The following KLF12 variants were observed in gnomAD, a reference collection of about 807,000 sequenced individuals.
KLF12 encodes Krueppel-like factor 12.
In KLF12, 9 loss-of-function variants were observed where a neutral mutation model predicts 37.8. That is an observed-to-expected ratio of 0.24 (90% confidence interval 0.14 to 0.42). The LOEUF (loss-of-function observed/expected upper bound fraction) is 0.42, where lower values mean the gene tolerates loss of function less well. Ranked by LOEUF, KLF12 falls within the 10% of genes least tolerant of loss-of-function variation. KLF12 has a pLI of 1.00. For missense variants in KLF12, 411 were observed against 516.0 expected (o/e 0.80, Z 1.97); for synonymous variants, 208 against 202.1 (o/e 1.03, Z -0.25).
intron 2 of KLF12, among the ~76,000 whole-genome samples, chr13:73,977,141 C>A (rs1891550392): frequency 6.6e-6 from 1 of 151,422 alleles, no homozygotes; most frequent in East Asian, 1.9e-4. Flanking sequence ...ATCTCCGCTT[C>A]CCAGGCTGAA....
chr13:74,015,028 T>C (rs879170424), intron 1 of KLF12, among the ~76,000 whole-genome samples: 2 of 152,198 alleles, frequency 1.3e-5, no homozygotes, highest in Admixed American at 1.3e-4. Context: ...TTCATGATCA[T>C]AGCTGGATAG....
At chr13:74,300,696 GATTA>G in the KLF12 span, among the ~76,000 whole-genome samples, 1 of 152,096 alleles carries the variant, frequency 6.6e-6, no homozygotes, top group African/African-American at 2.4e-5. Flanking sequence ...TGCAGTTTGA[GATTA>G]ATTTTCTGTT....
At chr13:73,899,963 C>T (rs1001380683) in intron 3 of KLF12, among the ~76,000 whole-genome samples, 3 of 152,104 alleles carry the variant, frequency 2.0e-5, no homozygotes, top group Non-Finnish European at 2.9e-5. Flanking sequence ...TGTATCCTAT[C>T]GGTTTTGATT....
At chr13:73,802,847 G>A (rs1882351889) in intron 5 of KLF12, among the ~76,000 whole-genome samples, 1 of 152,112 alleles carries the variant, frequency 6.6e-6, no homozygotes, top group South Asian at 2.1e-4. Flanking sequence ...ATACAGGTAT[G>A]TACCAGGATA....
At chr13:74,224,478 C>T in the KLF12 span, among the ~76,000 whole-genome samples, 153 of 152,186 alleles carry the variant, frequency 1.0e-3, no homozygotes, top group African/African-American at 3.2e-3. Flanking sequence ...TTATACTCTA[C>T]GATGTGATTA....
intron 3 of KLF12, among the ~76,000 whole-genome samples, chr13:73,848,325 C>T (rs969623942): frequency 4.6e-5 from 7 of 151,900 alleles, no homozygotes; most frequent in African/African-American, 1.5e-4. Flanking sequence ...CTGATAAATG[C>T]GGACCTTATC....
chr13:74,202,037 A>G, the KLF12 span, among the ~76,000 whole-genome samples: 1 of 152,066 alleles, frequency 6.6e-6, no homozygotes. Flanking sequence ...AGTGAGTTTT[A>G]TTTCCCATTT....
intron 5 of KLF12, among the ~76,000 whole-genome samples, chr13:73,804,106 C>G (rs775429899): frequency 5.3e-5 from 8 of 152,202 alleles, no homozygotes; most frequent in Non-Finnish European, 1.2e-4. Context: ...ATCTCACCTC[C>G]TCACTCACTT....
At chr13:73,941,221 G>A (rs1222951466) in intron 3 of KLF12, among the ~76,000 whole-genome samples, 4 of 151,954 alleles carry the variant, frequency 2.6e-5, no homozygotes, top group East Asian at 1.9e-4. Context: ...AGTTTCTATC[G>A]CTTTTTGTTC....
intron 6 of KLF12, among the ~76,000 whole-genome samples, chr13:73,747,819 GTCTGATTTATTGATCCCTAC>G (rs367619323): frequency 0.015 from 2,229 of 152,298 alleles, 23 homozygotes; most frequent in South Asian, 0.052. Context: ...AAAATAGGCA[GTCTGATTTATTGATCCCTAC>G]TCTATTCTTT....
At chr13:73,949,921 A>T (rs1890581926) in intron 2 of KLF12, among the ~76,000 whole-genome samples, 1 of 151,764 alleles carries the variant, frequency 6.6e-6, no homozygotes, top group East Asian at 2.0e-4. Context: ...AGCCAAAACC[A>T]TAGGCCTATT....
chr13:74,263,502 T>C, the KLF12 span, among the ~76,000 whole-genome samples: 2 of 152,222 alleles, frequency 1.3e-5, no homozygotes, highest in African/African-American at 4.8e-5. Context: ...CCTGTTACTC[T>C]CATCCAGTAA....
intron 6 of KLF12, among the ~76,000 whole-genome samples, chr13:73,764,477 T>TTA (rs761130427): frequency 3.4e-5 from 5 of 148,484 alleles, no homozygotes; most frequent in African/African-American, 1.3e-4. Context: ...CTCCCCAAAT[T>TTA]AAAAAAAAAA....
intron 4 of KLF12, among the ~76,000 whole-genome samples, chr13:73,819,914 T>A (rs1883430242): frequency 6.6e-6 from 1 of 152,062 alleles, no homozygotes; most frequent in South Asian, 2.1e-4. Flanking sequence ...AAAGTAGGAA[T>A]GTGTTTCATG....
chr13:73,907,358 C>T (rs191382419), intron 3 of KLF12, among the ~76,000 whole-genome samples: 206 of 152,248 alleles, frequency 1.4e-3, no homozygotes, highest in Non-Finnish European at 2.3e-3. Context: ...CATATTCTGC[C>T]TCCATTCATA....
intron 1 of KLF12, among the ~76,000 whole-genome samples, chr13:74,064,680 T>C (rs1052955859): frequency 6.6e-6 from 1 of 152,188 alleles, no homozygotes; most frequent in Non-Finnish European, 1.5e-5. Context: ...ATAAATGTCA[T>C]TACAGACACA....
intron 5 of KLF12, among the ~76,000 whole-genome samples, chr13:73,812,153 T>C (rs982182760): frequency 6.6e-5 from 10 of 152,102 alleles, no homozygotes; most frequent in African/African-American, 2.4e-4. Context: ...TGTATGACAC[T>C]ACTTATATGT....
At chr13:74,141,385 TGAAACCTGGTCA>T in the KLF12 span, among the ~76,000 whole-genome samples, 1 of 151,718 alleles carries the variant, frequency 6.6e-6, no homozygotes, top group South Asian at 2.1e-4. Flanking sequence ...GAGAAAGAAA[TGAAACCTGGTCA>T]GAAACATGGA....
chr13:74,279,719 A>C, the KLF12 span, among the ~76,000 whole-genome samples: 1 of 152,168 alleles, frequency 6.6e-6, no homozygotes, highest in African/African-American at 2.4e-5. Context: ...GTACAGGAAA[A>C]CACATCAGGT....
Sources: gnomAD v4.1 joint callset for allele counts (sites outside exome capture counted in the v4.1 genomes callset) on GRCh38, gnomAD v4.1.1 for gene constraint, MANE v1.5 for transcripts, NCBI Gene and HGNC (gene_info 2026-07-23, HGNC 2026-07-21) for gene names.